The following CCNH variants were observed in gnomAD, a reference collection of about 807,000 sequenced individuals.
CCNH encodes cyclin-H.
A neutral mutation model predicts 41.9 loss-of-function variants in CCNH; 31 were observed. The ratio of observed to expected loss-of-function variants is 0.74; its 90% CI spans 0.56 to 1.00. CCNH has a LOEUF of 1.00. CCNH is among the 50% of genes least tolerant of loss of function. The pLI is 0.00. For synonymous variants in CCNH, 138 were observed against 136.1 expected (o/e 1.01, Z -0.10); for missense variants, 362 against 388.4 (o/e 0.93, Z 0.57).
intron 9 of CCNH, among the ~76,000 whole-genome samples, chr5:87,351,659 C>G (rs1318184959): frequency 6.6e-6 from 1 of 151,642 alleles, no homozygotes; most frequent in African/African-American, 2.4e-5. Context: ...ATATGAATGT[C>G]TAGAAAATTC....
chr5:87,397,129 T>C (rs941052281), intron 7 of CCNH, among the ~76,000 whole-genome samples: 6 of 152,046 alleles, frequency 3.9e-5, no homozygotes, highest in Admixed American at 6.5e-5. Context: ...CAGTTTGCAG[T>C]GAGTTAAGTA....
At chr5:87,401,071 T>C (rs1763370981) in intron 6 of CCNH, among the ~76,000 whole-genome samples, 1 of 152,230 alleles carries the variant, frequency 6.6e-6, no homozygotes. Flanking sequence ...AAGTGTATTC[T>C]CTCATAGTTC....
intron 9 of CCNH, among the ~76,000 whole-genome samples, chr5:87,323,523 G>T (rs1018462035): frequency 6.6e-6 from 1 of 152,136 alleles, no homozygotes; most frequent in South Asian, 2.1e-4. Context: ...GTTCTTTGAG[G>T]CATATTTCAG....
chr5:87,353,346 A>G (rs902727589), intron 9 of CCNH: 1 of 874,264 alleles, frequency 1.1e-6, no homozygotes, highest in African/African-American at 1.7e-5. Context: ...ACTTAAAACT[A>G]CAGATTATTT....
intron 9 of CCNH, among the ~76,000 whole-genome samples, chr5:87,358,524 A>G (rs781308316): frequency 3.3e-5 from 5 of 152,202 alleles, no homozygotes; most frequent in Non-Finnish European, 7.4e-5. Flanking sequence ...TATGTCTAGA[A>G]TATGACCACC....
intron 5 of CCNH, among the ~76,000 whole-genome samples, chr5:87,404,208 A>G (rs1240050596): frequency 6.6e-6 from 1 of 152,242 alleles, no homozygotes; most frequent in East Asian, 1.9e-4. Context: ...GATTTCTGCA[A>G]GGGAACACAA....
chr5:87,319,833 G>A (rs1373587495), intron 9 of CCNH, among the ~76,000 whole-genome samples: 2 of 152,138 alleles, frequency 1.3e-5, no homozygotes, highest in South Asian at 4.1e-4. Flanking sequence ...AAATGGGTTT[G>A]TCTTTTCTAT....
chr5:87,356,065 A>G (rs1172503343), intron 9 of CCNH, among the ~76,000 whole-genome samples: 5 of 152,168 alleles, frequency 3.3e-5, no homozygotes, highest in Admixed American at 3.3e-4. Flanking sequence ...AGATCCTGTG[A>G]TCGCTACTGA....
intron 6 of CCNH, among the ~76,000 whole-genome samples, chr5:87,401,194 G>A (rs546798088): frequency 3.1e-4 from 47 of 152,310 alleles, no homozygotes; most frequent in Non-Finnish European, 5.4e-4. Flanking sequence ...TCCAGCTTCC[G>A]ATGGCTGCCA....
chr5:87,355,154 G>A (rs1462316283), intron 9 of CCNH, among the ~76,000 whole-genome samples: 4 of 152,148 alleles, frequency 2.6e-5, no homozygotes, highest in African/African-American at 9.7e-5. Context: ...CAGAAGATAA[G>A]TATTGAAGGT....
At chr5:87,378,496 A>G, upstream of CCNH, 1 of 1,612,118 alleles carries the variant, frequency 6.2e-7, no homozygotes, top group Non-Finnish European at 8.5e-7. Context: ...ATGCTTTGAA[A>G]GACTCTATTT....
intron 9 of CCNH, chr5:87,341,358 T>C (rs1183256588): frequency 1.0e-6 from 1 of 970,228 alleles, no homozygotes. Flanking sequence ...AAAAAAAAAA[T>C]CTATATTGTA....
intron 6 of CCNH, among the ~76,000 whole-genome samples, 172 bp downstream of exon 6, chr5:87,401,530 C>A (rs1026120497): frequency 6.6e-6 from 1 of 152,102 alleles, no homozygotes; most frequent in Admixed American, 6.5e-5. Context: ...CTTCTATATA[C>A]CTTCTATTTG....
chr5:87,354,605 G>C (rs1759516766), intron 9 of CCNH, among the ~76,000 whole-genome samples: 1 of 151,928 alleles, frequency 6.6e-6, no homozygotes, highest in Admixed American at 6.6e-5. Context: ...ATTAAAATTG[G>C]GCCAATTAAT....
downstream of CCNH, among the ~76,000 whole-genome samples, chr5:87,316,000 T>TA (rs1223627546): frequency 6.6e-6 from 1 of 152,172 alleles, no homozygotes; most frequent in African/African-American, 2.4e-5. Context: ...TCCTTAAAAT[T>TA]AAAAAAATTA....
intron 9 of CCNH, among the ~76,000 whole-genome samples, chr5:87,371,044 A>G (rs928553015): frequency 3.3e-5 from 5 of 152,124 alleles, no homozygotes; most frequent in African/African-American, 1.2e-4. Context: ...ATTTTTTTAA[A>G]TGTTAGAAAT....
chr5:87,341,581 C>T (rs1758463484), intron 9 of CCNH, among the ~76,000 whole-genome samples: 2 of 152,078 alleles, frequency 1.3e-5, no homozygotes, highest in Non-Finnish European at 2.9e-5. Context: ...ACATTTATAA[C>T]ATTATGAATG....
intron 5 of CCNH, among the ~76,000 whole-genome samples, chr5:87,404,188 G>C (rs780683186): frequency 6.6e-6 from 1 of 152,074 alleles, no homozygotes; most frequent in Non-Finnish European, 1.5e-5. Context: ...TCTGTAATCA[G>C]GAATATTAAG....
chr5:87,342,303 C>T (rs941922531), intron 9 of CCNH, among the ~76,000 whole-genome samples: 3 of 151,754 alleles, frequency 2.0e-5, no homozygotes, highest in Admixed American at 6.6e-5. Context: ...GGACCACCGG[C>T]GCACAACACC....
Sources: gnomAD v4.1 joint callset for allele counts (sites outside exome capture counted in the v4.1 genomes callset) on GRCh38, gnomAD v4.1.1 for gene constraint, MANE v1.5 for transcripts, NCBI Gene and HGNC (gene_info 2026-07-23, HGNC 2026-07-21) for gene names.